ASB18: variants seen among roughly 807,000 people sequenced by gnomAD.
The protein encoded by ASB18 is ankyrin repeat and SOCS box containing 18.
A neutral mutation model predicts 33.4 loss-of-function variants in ASB18; 33 were observed. The ratio of observed to expected loss-of-function variants is 0.99; its 90% CI spans 0.75 to 1.32. The LOEUF (loss-of-function observed/expected upper bound fraction) is 1.32, where lower values mean the gene tolerates loss of function less well. Ranked by LOEUF, ASB18 falls within the 40% of genes most tolerant of loss-of-function variation. The probability of loss-of-function intolerance (pLI) is 0.00; values close to 1 mark genes in which losing one functional copy is unlikely to be tolerated. For missense variants in ASB18, 694 were observed against 655.5 expected (o/e 1.06, Z -0.64); for synonymous variants, 295 against 307.6 (o/e 0.96, Z 0.43).
Position 236,259,567 on chromosome 2 carries a change from C to G in ASB18, c.205+4574G>C. On this transcript the variant is annotated intron_variant, in intron 1 of 5. Transcript: ENST00000409749. The surrounding 1 kb of genome is among the most constrained non-coding windows in gnomAD (Gnocchi z 4.4). ...TGGCCTTCCAGTGGACGTGACCTCC[C>G]CTGCATGGGGTCGGAAGGATGAGAT... The G allele has an allele frequency of 2.1e-6, 1 of 471,174 alleles. No homozygotes were observed. Among genetic ancestry groups the G allele is most frequent in the Non-Finnish European group, 4.4e-6 (1 of 227,030 alleles). The allele number at this position is 471,174 out of a possible 1,614,324, so 29.2% of individuals were successfully genotyped here.
chr2:236,238,021 T>G lies in ASB18; in HGVS notation c.329-65A>C. On this transcript the variant is annotated intron_variant, in intron 2 of 5. Transcript: ENST00000409749. This position sits in a 1 kb window ranked among gnomAD's most constrained non-coding sequence, Gnocchi z 5.2. Reference sequence around the variant, plus strand: ...TAGTTGTGGTGGTGGTGGGCGGTGTTCCTTAAGGCGGAAAGAAAGTGAAGC... The same window carrying G: ...TAGTTGTGGTGGTGGTGGGCGGTGTGCCTTAAGGCGGAAAGAAAGTGAAGC... 7.4e-7 allele frequency: 1 copy of G among 1,359,204 alleles called. No homozygotes were observed. The allele number at this position is 1,359,204 out of a possible 1,614,324, so 84.2% of individuals were successfully genotyped here. A position where few individuals can be genotyped will look rare whatever the true frequency, so the allele number is the denominator to read the frequency against.
At chr2:236,207,921 G>A (rs184741497) in intron 4 of ASB18, among the ~76,000 whole-genome samples, 150 of 151,846 alleles carry the variant, frequency 9.9e-4, no homozygotes, top group African/African-American at 3.5e-3. Context: ...TCAGACATGA[G>A]GTTGCCTTGT....
In ASB18 at chr2:236,239,796, A is replaced by G. The variant is rs1425443474; in HGVS notation, c.328+1484T>C. 6.6e-6 allele frequency among the ~76,000 whole-genome samples: 1 copy of G among 152,184 alleles called. No homozygotes were observed. The highest frequency in any genetic ancestry group is 1.9e-4 in the East Asian group (1 of 5,180). ...TTTTCATGGGAGAGCACATGGGGCC[A>G]CTGCTTTCAAACAGGGTCTGGTCGT... On this transcript the variant is annotated intron_variant, in intron 2 of 5. Coordinates refer to ENST00000409749, the MANE Select transcript of ASB18 (RefSeq NM_212556.4). The surrounding 1 kb of genome is among the most constrained non-coding windows in gnomAD (Gnocchi z 5.6).
In ASB18 at chr2:236,208,069, C is replaced by T. The variant is rs2060442633; in HGVS notation, c.1101+6293G>A. 6.6e-6 allele frequency among the ~76,000 whole-genome samples: 1 copy of T among 152,064 alleles called. No individual in the cohort carries two copies. The highest frequency in any genetic ancestry group is 1.5e-5 in the Non-Finnish European group (1 of 68,024). Reference sequence around the variant, plus strand: ...ATATCGACATCATAAGAGCTATTATCGGTGGTCCCCTCCCCATGCCCAATT... The same window carrying T: ...ATATCGACATCATAAGAGCTATTATTGGTGGTCCCCTCCCCATGCCCAATT... On this transcript the variant is annotated intron_variant, in intron 4 of 5. Transcript: ENST00000409749. The surrounding 1 kb of genome is among the most constrained non-coding windows in gnomAD (Gnocchi z 7.7).
Position 236,260,960 on chromosome 2 carries a change from T to C in ASB18, c.205+3181A>G, listed in dbSNP as rs1022372764. Among the ~76,000 whole-genome samples, 1 of 152,120 alleles carries C rather than the reference T, an allele frequency of 6.6e-6. No homozygotes were observed. Among genetic ancestry groups the C allele is most frequent in the Non-Finnish European group, 1.5e-5 (1 of 68,024 alleles). ...TAATCTAATCTCATACCCTCGTTAA[T>C]AAATGGAGACGTTGGTCTCGAGACA... On this transcript the variant is annotated intron_variant, in intron 1 of 5. Coordinates refer to ENST00000409749, the MANE Select transcript of ASB18 (RefSeq NM_212556.4). This position sits in a 1 kb window ranked among gnomAD's most constrained non-coding sequence, Gnocchi z 5.1.
rs28667414 is a variant in ASB18 at position 236,200,221 on chromosome 2, C to T, written c.1102-3836G>A. ...AAAATTAGCCAGGCATGGTGGTGCA[C>T]ATCTGTAGTCCCAGCTCCTCGGGAG... On this transcript the variant is annotated intron_variant, in intron 4 of 5. Coordinates refer to ENST00000409749, the MANE Select transcript of ASB18 (RefSeq NM_212556.4). This position sits in a 1 kb window ranked among gnomAD's most constrained non-coding sequence, Gnocchi z 4.2. Among the ~76,000 whole-genome samples the T allele has an allele frequency of 0.17, 25,703 of 151,870 alleles. 2,157 individuals carry two copies. The highest frequency in any genetic ancestry group is 0.25 in the South Asian group (1,189 of 4,814).
intron 4 of ASB18, among the ~76,000 whole-genome samples, chr2:236,197,667 C>A (rs1316637343): frequency 1.3e-5 from 2 of 152,142 alleles, no homozygotes; most frequent in African/African-American, 4.8e-5. Flanking sequence ...ACTTAAAATA[C>A]AAAAATTAGC....
Position 236,237,834 on chromosome 2 carries a change from C to A in ASB18, c.451G>T (p.Gly151Cys). The change falls in exon 3 of 6, where the codon GGC (glycine) becomes TGC (cysteine). Residue 151 changes from glycine to cysteine, a missense_variant. By Grantham distance (159) the Gly-to-Cys change is radical (BLOSUM62 -3). Coordinates refer to ENST00000409749, the MANE Select transcript of ASB18 (RefSeq NM_212556.4). The surrounding 1 kb of genome is among the most constrained non-coding windows in gnomAD (Gnocchi z 6.2). ...GCCTCGTGCAGGGCGCCGCGGCCGC[C>A]GGGGCTGGCGTCTGGGTCTGCGCCG... ...GRGADPDASPGGRGALHEACL... is the reference protein window; with the variant it reads ...GRGADPDASPCGRGALHEACL... 1 of 1,376,868 alleles carries A rather than the reference C, an allele frequency of 7.3e-7. No homozygotes were observed. The allele number at this position is 1,376,868 out of a possible 1,614,324, so 85.3% of individuals were successfully genotyped here. A position where few individuals can be genotyped will look rare whatever the true frequency, so the allele number is the denominator to read the frequency against.
At chr2:236,232,549 C>T (rs1369750681) in intron 3 of ASB18, among the ~76,000 whole-genome samples, 1 of 151,740 alleles carries the variant, frequency 6.6e-6, no homozygotes, top group Non-Finnish European at 1.5e-5. Flanking sequence ...AAACCAAAAG[C>T]AAGACTTATT....
At chr2:236,201,769 G>T in intron 4 of ASB18, among the ~76,000 whole-genome samples, 1 of 149,442 alleles carries the variant, frequency 6.7e-6, no homozygotes. Flanking sequence ...CATTTTCTCT[G>T]TTTTAACACA....
In ASB18 at chr2:236,208,337, G is replaced by A. The variant is rs1381702372; in HGVS notation, c.1101+6025C>T. 2.6e-5 allele frequency among the ~76,000 whole-genome samples: 4 copies of A among 152,068 alleles called. No homozygotes were observed. The highest frequency in any genetic ancestry group is 2.1e-4 in the South Asian group (1 of 4,820). ...ACTAACATGCCATTTCCTCGTGCAC[G>A]GCAGTCTCTGATTTCAATCATCCCC... is the stretch of plus-strand genomic sequence containing the variant. On this transcript the variant is annotated intron_variant, in intron 4 of 5. Coordinates refer to ENST00000409749, the MANE Select transcript of ASB18 (RefSeq NM_212556.4). This position sits in a 1 kb window ranked among gnomAD's most constrained non-coding sequence, Gnocchi z 7.7.
chr2:236,210,096 C>G (rs1177382425), intron 4 of ASB18, among the ~76,000 whole-genome samples: 1 of 152,202 alleles, frequency 6.6e-6, no homozygotes, highest in African/African-American at 2.4e-5. Context: ...GCAACTTCAC[C>G]TTAGTGTGTG....
Position 236,211,625 on chromosome 2 carries a change from G to A in ASB18, c.1101+2737C>T, listed in dbSNP as rs1219606165. On this transcript the variant is annotated intron_variant, in intron 4 of 5. Transcript: ENST00000409749. The surrounding 1 kb of genome is among the most constrained non-coding windows in gnomAD (Gnocchi z 5.0). ...TCGCCATGGCGCCCGTGTGGTGCCT[G>A]CCCAGCATCTTTGTGGCTGGCTGCA... 6.6e-6 allele frequency among the ~76,000 whole-genome samples: 1 copy of A among 152,248 alleles called. No homozygotes were observed. The highest frequency in any genetic ancestry group is 2.4e-5 in the African/African-American group (1 of 41,476).
rs936287209 is a variant in ASB18, at chr2:236,195,262, G to C, written c.1216-205C>G. Among the ~76,000 whole-genome samples the C allele has an allele frequency of 2.0e-5, 3 of 152,164 alleles. No individual in the cohort carries two copies. The highest frequency in any genetic ancestry group is 4.4e-5 in the Non-Finnish European group (3 of 68,026). On this transcript the variant is annotated intron_variant, in intron 5 of 5. Coordinates refer to ENST00000409749, the MANE Select transcript of ASB18 (RefSeq NM_212556.4). This position sits in a 1 kb window ranked among gnomAD's most constrained non-coding sequence, Gnocchi z 5.5. ...GCTCTCCCAAAGCACAGTTCCTGCCGAGTGAGAGGGGATTCTGACTGGGGT... is the reference window on the plus strand; with the variant it reads ...GCTCTCCCAAAGCACAGTTCCTGCCCAGTGAGAGGGGATTCTGACTGGGGT...
chr2:236,193,752 C>T lies in ASB18; in HGVS notation c.*1120G>A, dbSNP rs1559324399. Among the ~76,000 whole-genome samples the T allele has an allele frequency of 6.6e-6, 1 of 152,092 alleles. No homozygotes were observed. Among genetic ancestry groups the T allele is most frequent in the Non-Finnish European group, 1.5e-5 (1 of 68,028 alleles). On this transcript the variant is annotated 3_prime_UTR_variant, in exon 6 of 6. Transcript: ENST00000409749. This position sits in a 1 kb window ranked among gnomAD's most constrained non-coding sequence, Gnocchi z 5.0. ...CGGAGGTTGCGGTGAGCCAAGATTG[C>T]GCCAGTCTCAAAACAAACAAACAAA...
chr2:236,196,482 G>T lies in ASB18; in HGVS notation c.1102-97C>A. ...GTGTGGGGGGATGCTCTCCCTAGCTGTGTGACCTCCCTACGCCCAAGCCAC... is the reference window on the plus strand; with the variant it reads ...GTGTGGGGGGATGCTCTCCCTAGCTTTGTGACCTCCCTACGCCCAAGCCAC... On this transcript the variant is annotated intron_variant, in intron 4 of 5. Coordinates refer to ENST00000409749, the MANE Select transcript of ASB18 (RefSeq NM_212556.4). The surrounding 1 kb of genome is among the most constrained non-coding windows in gnomAD (Gnocchi z 5.6). 1.0e-5 allele frequency: 7 copies of T among 691,960 alleles called. No homozygotes were observed. Among genetic ancestry groups the T allele is most frequent in the Non-Finnish European group, 1.8e-5 (7 of 380,232 alleles). The allele number at this position is 691,960 out of a possible 1,614,324, so 42.9% of individuals were successfully genotyped here. A position where few individuals can be genotyped will look rare whatever the true frequency, so the allele number is the denominator to read the frequency against.
chr2:236,243,298 C>A (rs12692185), intron 1 of ASB18, among the ~76,000 whole-genome samples: 81,312 of 147,162 alleles, frequency 0.55, 22,656 homozygotes, highest in Middle Eastern at 0.68. Context: ...CCACTGCACT[C>A]CAGCCTGGGC....
chr2:236,199,099 T>A (rs909062433), intron 4 of ASB18, among the ~76,000 whole-genome samples: 5 of 152,170 alleles, frequency 3.3e-5, no homozygotes, highest in Non-Finnish European at 5.9e-5. Context: ...TTTGCCTTTT[T>A]CTAACCAAGT....
At chr2:236,261,127 A>G (rs1047922634) in intron 1 of ASB18, among the ~76,000 whole-genome samples, 7 of 151,920 alleles carry the variant, frequency 4.6e-5, no homozygotes, top group African/African-American at 1.7e-4. Context: ...GAGCCCCCCA[A>G]TTATTTGTAA....
Sources: allele counts gnomAD v4.1 joint callset (sites outside exome capture counted in the v4.1 genomes callset), GRCh38; gene constraint gnomAD v4.1.1; non-coding constraint Gnocchi (gnomAD v3.1); transcripts MANE v1.5; gene names NCBI Gene and HGNC (gene_info 2026-07-23, HGNC 2026-07-21).